Variants in SNTG1 observed in about 807,000 individuals in gnomAD.
SNTG1 encodes gamma-1-syntrophin.
A neutral mutation model predicts 74.7 loss-of-function variants in SNTG1; 39 were observed. The observed-to-expected ratio is 0.52, with a 90% confidence interval of 0.40 to 0.68. The LOEUF is 0.68. Among genes scored for constraint, SNTG1 ranks in the 30% least tolerant of loss-of-function variants. SNTG1 has a pLI of 0.00. For missense variants in SNTG1, 685 were observed against 609.5 expected (o/e 1.12, Z -1.30); for synonymous variants, 254 against 217.1 (o/e 1.17, Z -1.49).
intron 1 of SNTG1, among the ~76,000 whole-genome samples, chr8:50,018,599 T>G (rs554453386): frequency 2.6e-5 from 4 of 152,166 alleles, no homozygotes; most frequent in South Asian, 4.1e-4. Flanking sequence ...TGTTGTTGTT[T>G]CGCTTTTTAC....
At chr8:49,963,454 A>G (rs1437705449) in intron 1 of SNTG1, among the ~76,000 whole-genome samples, 1 of 152,176 alleles carries the variant, frequency 6.6e-6, no homozygotes, top group Non-Finnish European at 1.5e-5. Flanking sequence ...TTTTTGAGTC[A>G]TAGTTTGTAA....
At chr8:50,259,528 G>A (rs866483914) in intron 2 of SNTG1, among the ~76,000 whole-genome samples, 76 of 7,282 alleles carry the variant, frequency 0.01, 27 homozygotes, top group South Asian at 0.036. Flanking sequence ...AAGAAAGAAA[G>A]AAAGAAAGAA....
In SNTG1 at chr8:50,042,732, T is replaced by C. The variant is rs923678964; in HGVS notation, c.-102-129829T>C. ...CTGACATGCCTGGCTAATTGACTTT[T>C]TTTTTTTTTTGGTAGAGGTAAGGTC... On this transcript the variant is annotated intron_variant, in intron 1 of 18. Coordinates refer to ENST00000642720, the MANE Select transcript of SNTG1 (RefSeq NM_018967.5). Among the ~76,000 whole-genome samples, 6 of 151,922 alleles carry C rather than the reference T, an allele frequency of 3.9e-5. No homozygotes were observed. In the East Asian group the frequency reaches 1.2e-3, roughly 29 times the overall value.
intron 9 of SNTG1, among the ~76,000 whole-genome samples, chr8:50,526,703 C>A (rs544716539): frequency 1.3e-5 from 2 of 151,998 alleles, no homozygotes; most frequent in African/African-American, 2.4e-5. Context: ...AGGCTCATTG[C>A]AACCTCTGCC....
Position 50,029,061 on chromosome 8 carries a change from A to G in SNTG1, c.-103+116830A>G, listed in dbSNP as rs576040894. On this transcript the variant is annotated intron_variant, in intron 1 of 18. Coordinates refer to ENST00000642720, the MANE Select transcript of SNTG1 (RefSeq NM_018967.5). ...ATATAAGATTTGAATTTTTTTCCAA[A>G]TCTTTTGTTTGTATTTTCATCTTAT... Among the ~76,000 whole-genome samples, 5 of 151,848 alleles carry G rather than the reference A, an allele frequency of 3.3e-5. No individual in the cohort carries two copies. In the South Asian group the frequency reaches 1.0e-3, roughly 32 times the overall value.
intron 2 of SNTG1, among the ~76,000 whole-genome samples, chr8:50,296,002 C>T (rs1441591851): frequency 1.3e-5 from 2 of 152,094 alleles, no homozygotes; most frequent in African/African-American, 4.8e-5. Flanking sequence ...TGATGCTAGG[C>T]TGGGACTCTA....
At chr8:50,792,037 A>G (rs2095692170) in intron 18 of SNTG1, among the ~76,000 whole-genome samples, 1 of 150,874 alleles carries the variant, frequency 6.6e-6, no homozygotes, top group Non-Finnish European at 1.5e-5. Context: ...TAAATGAGAA[A>G]CCTATTTCTA....
chr8:49,953,282 G>A (rs1473157179), intron 1 of SNTG1, among the ~76,000 whole-genome samples: 1 of 152,168 alleles, frequency 6.6e-6, no homozygotes, highest in Admixed American at 6.5e-5. Context: ...AGATAGAGTA[G>A]ACCAACTCAC....
intron 4 of SNTG1, among the ~76,000 whole-genome samples, chr8:50,436,956 C>T (rs1007287494): frequency 4.6e-5 from 7 of 151,982 alleles, no homozygotes; most frequent in African/African-American, 1.7e-4. Context: ...GGTAATGCAA[C>T]AAACAGTATG....
intron 8 of SNTG1, among the ~76,000 whole-genome samples, chr8:50,455,889 C>T (rs548864661): frequency 1.3e-5 from 2 of 152,226 alleles, no homozygotes; most frequent in South Asian, 2.1e-4. Context: ...GTTTTGAGCT[C>T]TAAGTGATTA....
intron 1 of SNTG1, among the ~76,000 whole-genome samples, chr8:49,987,972 C>T (rs1813331884): frequency 1.3e-5 from 2 of 151,984 alleles, no homozygotes; most frequent in African/African-American, 4.8e-5. Flanking sequence ...CTGCAATTAC[C>T]TTTGCACGAA....
At chr8:50,503,050 A>G (rs772052524) in intron 9 of SNTG1, among the ~76,000 whole-genome samples, 170 bp downstream of exon 9, 5 of 152,082 alleles carry the variant, frequency 3.3e-5, no homozygotes, top group African/African-American at 4.8e-5. Flanking sequence ...AACAGATGTT[A>G]TTTTTCTTGA....
chr8:50,302,463 T>C (rs918877737), intron 2 of SNTG1, among the ~76,000 whole-genome samples: 3 of 152,162 alleles, frequency 2.0e-5, no homozygotes, highest in Admixed American at 6.6e-5. Flanking sequence ...CCACCTTCTG[T>C]AGTGAGTCTG....
chr8:50,761,915 T>G (rs1393830748), intron 18 of SNTG1, among the ~76,000 whole-genome samples: 2 of 152,010 alleles, frequency 1.3e-5, no homozygotes, highest in Non-Finnish European at 2.9e-5. Context: ...ATCTTTGATA[T>G]TACACATAAA....
intron 17 of SNTG1, among the ~76,000 whole-genome samples, chr8:50,724,811 C>A (rs934319103): frequency 6.6e-6 from 1 of 151,834 alleles, no homozygotes; most frequent in Non-Finnish European, 1.5e-5. Flanking sequence ...AATAACATAA[C>A]CAATGTTAAA....
At chr8:50,333,543 A>G (rs1470463144) in intron 2 of SNTG1, among the ~76,000 whole-genome samples, 1 of 152,222 alleles carries the variant, frequency 6.6e-6, no homozygotes, top group Admixed American at 6.5e-5. Context: ...TTTGCTATGA[A>G]TGTACTTTCT....
chr8:50,230,816 ACTAT>A (rs2085580734), intron 2 of SNTG1, among the ~76,000 whole-genome samples: 1 of 143,958 alleles, frequency 6.9e-6, no homozygotes, highest in African/African-American at 2.5e-5. Context: ...TAGGGGGAAA[ACTAT>A]CTAACATTGG....
At chr8:50,081,019 A>T (rs1242224987) in intron 1 of SNTG1, among the ~76,000 whole-genome samples, 2 of 152,112 alleles carry the variant, frequency 1.3e-5, no homozygotes, top group African/African-American at 2.4e-5. Context: ...CTCCAATTAC[A>T]GTGTCATGAT....
At chr8:50,343,709 T>A (rs1327261470) in intron 2 of SNTG1, among the ~76,000 whole-genome samples, 3 of 152,192 alleles carry the variant, frequency 2.0e-5, no homozygotes, top group Non-Finnish European at 2.9e-5. Context: ...TAAATTACAT[T>A]TATGATTCTT....
Sources: allele counts gnomAD v4.1 joint callset (sites outside exome capture counted in the v4.1 genomes callset), GRCh38; gene constraint gnomAD v4.1.1; transcripts MANE v1.5; gene names NCBI Gene and HGNC (gene_info 2026-07-23, HGNC 2026-07-21).